Variants in SLC5A4 observed in about 807,000 individuals in gnomAD.
SLC5A4 encodes the protein solute carrier family 5 member 4.
SLC5A4 carries 55 observed loss-of-function variants against 70.3 expected under a neutral mutation model. The observed-to-expected ratio is 0.78, with a 90% CI of 0.63 to 0.98. SLC5A4 has a LOEUF of 0.98. Among genes scored for constraint, SLC5A4 ranks in the 50% least tolerant of loss-of-function variants. The pLI, the probability that SLC5A4 is intolerant of heterozygous loss-of-function variation, is 0.00. For synonymous variants in SLC5A4, 268 were observed against 305.7 expected, an observed-to-expected ratio of 0.88 and a Z score of 1.29; for missense variants, 735 against 839.2, an observed-to-expected ratio of 0.88 and a Z score of 1.53.
intron 11 of SLC5A4, among the ~76,000 whole-genome samples, chr22:32,227,815 G>T (rs998835267): frequency 6.6e-6 from 1 of 151,930 alleles, no homozygotes; most frequent in Non-Finnish European, 1.5e-5. Flanking sequence ...CACGCCTCTA[G>T]TCCCAGCTAC....
chr22:32,307,730 G>A, the SLC5A4 span, among the ~76,000 whole-genome samples: 1 of 152,224 alleles, frequency 6.6e-6, no homozygotes, highest in African/African-American at 2.4e-5. Context: ...CTGGTACATA[G>A]TAAGTGCACA....
the SLC5A4 span, among the ~76,000 whole-genome samples, chr22:32,350,261 T>C: frequency 3.1e-4 from 47 of 152,156 alleles, no homozygotes; most frequent in Non-Finnish European, 5.7e-4. Context: ...ACTGCCCCCA[T>C]TGTAAAGATG....
the SLC5A4 span, among the ~76,000 whole-genome samples, chr22:32,304,192 T>A: frequency 6.6e-6 from 1 of 152,150 alleles, no homozygotes; most frequent in Non-Finnish European, 1.5e-5. Flanking sequence ...AATGGTGCAA[T>A]CTCAGCCTAC....
chr22:32,299,126 A>G, the SLC5A4 span, among the ~76,000 whole-genome samples: 20,814 of 77,392 alleles, frequency 0.27, 1,703 homozygotes, highest in Non-Finnish European at 0.29. Flanking sequence ...TCTGACAATT[A>G]TGTGTCTTGG....
At chr22:32,239,498 C>T (rs1169401901) in intron 5 of SLC5A4, among the ~76,000 whole-genome samples, 1 of 111,352 alleles carries the variant, frequency 9.0e-6, no homozygotes, top group African/African-American at 3.3e-5. Context: ...AGTCACTGCA[C>T]TCCAGCCTGG....
chr22:32,247,467 G>GTCGCTCCCCACCAAACCGCT lies in SLC5A4; in HGVS notation c.401_420dup (p.Leu141SerfsTer24). On this transcript the variant is annotated frameshift_variant, in exon 5 of 15. Coordinates refer to ENST00000266086, the MANE Select transcript of SLC5A4 (RefSeq NM_014227.3). LOFTEE classifies it high-confidence loss of function. Reference sequence around the variant, plus strand: ...GAGAGGATGGAGAGGTAGACCTGGAGTCGCTCCCCACCAAACCGCTTCTTG... The same window carrying GTCGCTCCCCACCAAACCGCT: ...GAGAGGATGGAGAGGTAGACCTGGAGTCGCTCCCCACCAAACCGCTTCGCTCCCCACCAAACCGCTTCTTG... The GTCGCTCCCCACCAAACCGCT allele has an allele frequency of 1.2e-6, 2 of 1,614,036 alleles. No individual in the cohort carries two copies. The highest frequency in any genetic ancestry group is 2.2e-5 in the South Asian group (2 of 91,070).
the SLC5A4 span, among the ~76,000 whole-genome samples, chr22:32,323,468 T>A: frequency 5.3e-5 from 8 of 152,322 alleles, no homozygotes; most frequent in African/African-American, 1.9e-4. Context: ...CAAGAGCCCA[T>A]CTCCAACCTC....
the SLC5A4 span, among the ~76,000 whole-genome samples, chr22:32,312,284 G>A: frequency 6.6e-3 from 1,003 of 151,570 alleles, 8 homozygotes; most frequent in African/African-American, 0.023. Flanking sequence ...GGTAACCCGC[G>A]CCCATCAGAG....
chr22:32,320,338 C>T, the SLC5A4 span, among the ~76,000 whole-genome samples: 2 of 152,180 alleles, frequency 1.3e-5, no homozygotes, highest in African/African-American at 4.8e-5. Flanking sequence ...ATGCCCACAT[C>T]CTCTGACCCA....
chr22:32,323,217 C>G, the SLC5A4 span, among the ~76,000 whole-genome samples: 75,374 of 151,892 alleles, frequency 0.5, 19,030 homozygotes, highest in East Asian at 0.65. Flanking sequence ...TGAGAAGACA[C>G]AGAAGCAAGT....
At position 32,237,327 on chromosome 22, in the gene SLC5A4, A is replaced by T. The variant is rs776434732; in HGVS notation, c.584-3T>A. The T allele has an allele frequency of 1.2e-5, 19 of 1,584,454 alleles. No individual in the cohort carries two copies. Among genetic ancestry groups the T allele is most frequent in the Non-Finnish European group, 8.6e-7 (1 of 1,165,630 alleles). ...GTAAATCACCGAGGCCAAGCCCCCTAGTGAGAGAAAGAAAAGAACCAGGGC... is the reference window on the plus strand; with the variant it reads ...GTAAATCACCGAGGCCAAGCCCCCTTGTGAGAGAAAGAAAAGAACCAGGGC... On this transcript the variant is annotated splice_region_variant and splice_polypyrimidine_tract_variant and intron_variant, in intron 6 of 14. Transcript: ENST00000266086.
the SLC5A4 span, among the ~76,000 whole-genome samples, chr22:32,314,091 T>A: frequency 2.0e-5 from 3 of 151,842 alleles, no homozygotes; most frequent in Non-Finnish European, 2.9e-5. Flanking sequence ...CTCCCCAGAG[T>A]GAGAGATACG....
chr22:32,257,295 C>T (rs1034931410), upstream of SLC5A4, among the ~76,000 whole-genome samples: 1 of 152,232 alleles, frequency 6.6e-6, no homozygotes, highest in Non-Finnish European at 1.5e-5. Flanking sequence ...AGGACTACCT[C>T]ATTGGCAGTG....
chr22:32,241,767 A>T (rs1281148363), intron 5 of SLC5A4, among the ~76,000 whole-genome samples: 1 of 135,922 alleles, frequency 7.4e-6, no homozygotes, highest in Non-Finnish European at 1.5e-5. Flanking sequence ...CAAATTTTAC[A>T]TATATATATG....
At chr22:32,230,589 A>G (rs1482088801) in intron 10 of SLC5A4, among the ~76,000 whole-genome samples, 1 of 152,180 alleles carries the variant, frequency 6.6e-6, no homozygotes, top group East Asian at 1.9e-4. Flanking sequence ...CATAATAAAT[A>G]GTTTATTCTA....
intron 4 of SLC5A4, among the ~76,000 whole-genome samples, chr22:32,248,399 T>C (rs1926954118): frequency 6.6e-6 from 1 of 152,050 alleles, no homozygotes; most frequent in African/African-American, 2.4e-5. Flanking sequence ...GTCAAAGAGC[T>C]GAAACTCACT....
chr22:32,306,946 G>A, the SLC5A4 span, among the ~76,000 whole-genome samples: 1 of 152,124 alleles, frequency 6.6e-6, no homozygotes, highest in Admixed American at 6.5e-5. Flanking sequence ...TTCCAGTTGT[G>A]GCCAGGGTGG....
chr22:32,270,959 G>C, the SLC5A4 span: 1 of 545,596 alleles, frequency 1.8e-6, no homozygotes, highest in Non-Finnish European at 3.4e-6. Flanking sequence ...CGGGGCTCAC[G>C]ATGAGCTAGG....
At chr22:32,251,379 C>A (rs1414580714) in intron 3 of SLC5A4, among the ~76,000 whole-genome samples, 1 of 151,976 alleles carries the variant, frequency 6.6e-6, no homozygotes, top group South Asian at 2.1e-4. Flanking sequence ...AGATGGATCC[C>A]ATTATTGAGA....
Sources: allele counts gnomAD v4.1 joint callset (sites outside exome capture counted in the v4.1 genomes callset), GRCh38; gene constraint gnomAD v4.1.1; transcripts MANE v1.5; gene names NCBI Gene and HGNC (gene_info 2026-07-23, HGNC 2026-07-21).